Variants in FSHR observed in about 807,000 individuals in gnomAD.
FSHR encodes the protein follicle stimulating hormone receptor.
Under a neutral mutation model 52.1 loss-of-function variants are expected in FSHR, and 46 were observed. The observed-to-expected ratio is 0.88, with a 90% CI of 0.70 to 1.13. FSHR has a LOEUF of 1.13. FSHR is among the 50% of genes most tolerant of loss of function. The probability of loss-of-function intolerance (pLI) is 0.00; values close to 1 mark genes in which losing one functional copy is unlikely to be tolerated. For synonymous variants in FSHR, 399 were observed against 309.6 expected (o/e 1.29, Z -3.03); for missense variants, 964 against 834.6 (o/e 1.16, Z -1.91).
At chr2:49,052,175 A>G (rs557044730) in intron 2 of FSHR, among the ~76,000 whole-genome samples, 14 of 152,350 alleles carry the variant, frequency 9.2e-5, no homozygotes, top group Non-Finnish European at 1.9e-4. Flanking sequence ...AATGCAAATC[A>G]GATTATGTCA....
At chr2:48,979,746 C>A (rs1675158551) in intron 8 of FSHR, among the ~76,000 whole-genome samples, 1 of 151,958 alleles carries the variant, frequency 6.6e-6, no homozygotes, top group Non-Finnish European at 1.5e-5. Flanking sequence ...TCAAGGGTTC[C>A]CTGTACATTC....
At chr2:49,036,165 T>A (rs1484916989) in intron 2 of FSHR, among the ~76,000 whole-genome samples, 1 of 152,198 alleles carries the variant, frequency 6.6e-6, no homozygotes, top group Non-Finnish European at 1.5e-5. Context: ...CCATGATTAT[T>A]TATACTTCAG....
At chr2:49,119,544 C>T (rs563780173) in intron 1 of FSHR, among the ~76,000 whole-genome samples, 23 of 151,906 alleles carry the variant, frequency 1.5e-4, no homozygotes, top group African/African-American at 4.8e-4. Flanking sequence ...TTTGCAATGG[C>T]GCATTTTAGA....
At chr2:49,115,818 A>G (rs1671577539) in intron 1 of FSHR, among the ~76,000 whole-genome samples, 1 of 152,194 alleles carries the variant, frequency 6.6e-6, no homozygotes. Flanking sequence ...TGAATATGAT[A>G]TAAATGTTAC....
intron 1 of FSHR, among the ~76,000 whole-genome samples, chr2:49,153,508 G>A (rs921792470): frequency 6.6e-6 from 1 of 152,144 alleles, no homozygotes; most frequent in East Asian, 1.9e-4. Flanking sequence ...AACTCATCAC[G>A]AGAGTTTGGA....
intron 2 of FSHR, among the ~76,000 whole-genome samples, chr2:49,038,061 T>A (rs560470095): frequency 6.6e-6 from 1 of 152,032 alleles, no homozygotes; most frequent in Admixed American, 6.5e-5. Context: ...ACAAGAGATA[T>A]CAAAAGATAA....
chr2:49,005,534 C>T (rs1294531512), intron 4 of FSHR, among the ~76,000 whole-genome samples: 1 of 152,018 alleles, frequency 6.6e-6, no homozygotes, highest in Non-Finnish European at 1.5e-5. Context: ...TCTGGATTCT[C>T]GATGAGTGAT....
chr2:49,135,902 A>C (rs1672471860), intron 1 of FSHR, among the ~76,000 whole-genome samples: 1 of 152,108 alleles, frequency 6.6e-6, no homozygotes, highest in Non-Finnish European at 1.5e-5. Context: ...TATCCTTGTC[A>C]TCTTCACATT....
intron 9 of FSHR, among the ~76,000 whole-genome samples, chr2:48,964,413 T>A (rs564119508): frequency 7.9e-5 from 12 of 152,340 alleles, no homozygotes; most frequent in African/African-American, 2.9e-4. Context: ...TGAGAACTTA[T>A]TTGCTTCTCT....
intron 2 of FSHR, among the ~76,000 whole-genome samples, chr2:49,060,362 CTCAG>C (rs1669240916): frequency 6.6e-6 from 1 of 152,008 alleles, no homozygotes; most frequent in Non-Finnish European, 1.5e-5. Context: ...AAAACAAAAA[CTCAG>C]TATCCTGGGA....
chr2:49,108,006 G>A (rs569970144), intron 1 of FSHR, among the ~76,000 whole-genome samples: 1 of 152,276 alleles, frequency 6.6e-6, no homozygotes, highest in Admixed American at 6.5e-5. Flanking sequence ...GTGTTTCTGT[G>A]AGGATGTTTC....
intron 1 of FSHR, among the ~76,000 whole-genome samples, chr2:49,089,773 T>C (rs1670533578): frequency 6.6e-6 from 1 of 152,156 alleles, no homozygotes. Context: ...AAAAAATAAA[T>C]ATTCCTGTTA....
chr2:49,079,002 A>G (rs1240947167), intron 1 of FSHR, among the ~76,000 whole-genome samples: 1 of 152,198 alleles, frequency 6.6e-6, no homozygotes, highest in Non-Finnish European at 1.5e-5. Context: ...ACACACACAC[A>G]AAGCCTACTC....
In FSHR at chr2:48,963,833, A is replaced by T; in HGVS notation, c.988T>A (p.Tyr330Asn). 1 of 1,614,192 alleles carries T rather than the reference A, an allele frequency of 6.2e-7. No individual in the cohort carries two copies. Among genetic ancestry groups the T allele is most frequent in the Non-Finnish European group, 8.5e-7 (1 of 1,180,018 alleles). Reference protein sequence around the residue: ...SSYSRGFDMTYTEFDYDLCNE... With the variant: ...SSYSRGFDMTNTEFDYDLCNE... ...CATAAGTCATAGTCAAACTCAGTGT[A>T]CGTCATGTCAAATCCTCTGCTGTAG... The change falls in exon 10 of 10, where the codon TAC (tyrosine) becomes AAC (asparagine). Residue 330 changes from tyrosine (Y) to asparagine (N), a missense_variant. Tyr to Asn is a moderately radical substitution (Grantham distance 143). Coordinates refer to ENST00000406846, the MANE Select transcript of FSHR (RefSeq NM_000145.4).
At chr2:49,007,485 C>A (rs1193757084) in intron 4 of FSHR, among the ~76,000 whole-genome samples, 3 of 152,074 alleles carry the variant, frequency 2.0e-5, no homozygotes, top group African/African-American at 7.2e-5. Flanking sequence ...AGCTTGTGGA[C>A]CACTAGTGTT....
intron 1 of FSHR, among the ~76,000 whole-genome samples, chr2:49,142,581 T>C (rs1672728163): frequency 6.6e-6 from 1 of 152,226 alleles, no homozygotes; most frequent in Admixed American, 6.5e-5. Flanking sequence ...TAGGCAGTCA[T>C]AAAACATGAG....
intron 4 of FSHR, among the ~76,000 whole-genome samples, chr2:49,013,492 AT>A (rs1246336070): frequency 4.2e-4 from 28 of 66,174 alleles, no homozygotes; most frequent in African/African-American, 8.0e-4. Context: ...ATAAATATAT[AT>A]ATATATAAAT....
intron 1 of FSHR, among the ~76,000 whole-genome samples, chr2:49,150,200 T>C (rs1299448273): frequency 6.6e-6 from 1 of 152,064 alleles, no homozygotes; most frequent in Non-Finnish European, 1.5e-5. Context: ...ATGAACCTGC[T>C]CCCTGAGTTC....
intron 1 of FSHR, among the ~76,000 whole-genome samples, chr2:49,089,179 A>T (rs111502752): frequency 6.6e-6 from 1 of 151,888 alleles, no homozygotes; most frequent in Non-Finnish European, 1.5e-5. Context: ...TAACCGGATT[A>T]TATCTACACC....
Sources: gnomAD v4.1 joint callset for allele counts (sites outside exome capture counted in the v4.1 genomes callset) on GRCh38, gnomAD v4.1.1 for gene constraint, MANE v1.5 for transcripts, NCBI Gene and HGNC (gene_info 2026-07-23, HGNC 2026-07-21) for gene names.